The following SLC38A9 variants were observed in gnomAD, a reference collection of about 807,000 sequenced individuals.
The protein encoded by SLC38A9 is solute carrier family 38 member 9, also known as neutral amino acid transporter 9.
A neutral mutation model predicts 62.3 loss-of-function variants in SLC38A9; 48 were observed. That is an observed-to-expected ratio of 0.77 (90% CI 0.61 to 0.98). The LOEUF is 0.98. SLC38A9 is among the 50% of genes least tolerant of loss of function. The probability of loss-of-function intolerance (pLI) is 0.00; values close to 1 mark genes in which losing one functional copy is unlikely to be tolerated. For synonymous variants in SLC38A9, 204 were observed against 227.7 expected (o/e 0.90, Z 0.94); for missense variants, 541 against 679.8 (o/e 0.80, Z 2.27).
chr5:55,631,684 A>G (rs1338495373), intron 14 of SLC38A9, among the ~76,000 whole-genome samples: 1 of 152,208 alleles, frequency 6.6e-6, no homozygotes, highest in East Asian at 1.9e-4. Flanking sequence ...TTATGGCAAA[A>G]ATTATTTATC....
At chr5:55,633,367 G>A (rs1283251949) in intron 14 of SLC38A9, 1 of 155,728 alleles carries the variant, frequency 6.4e-6, no homozygotes, top group African/African-American at 2.4e-5. Context: ...GAGGGCAAAG[G>A]GGAAGTTTTC....
chr5:55,652,866 G>A lies in SLC38A9; in HGVS notation c.758-143C>T, dbSNP rs879380173. On this transcript the variant is annotated intron_variant, in intron 9 of 15. Transcript: ENST00000396865. Reference sequence around the variant, plus strand: ...CTAGGAGCCTAAATTTCTCTTTTCTGGAAAAAATAGAGGGTTAATTTTAGG... The same window carrying A: ...CTAGGAGCCTAAATTTCTCTTTTCTAGAAAAAATAGAGGGTTAATTTTAGG... 2.9e-5 allele frequency: 16 copies of A among 558,756 alleles called. No homozygotes were observed. The East Asian group carries it at 4.6e-4, about 16-fold the overall frequency. The allele number at this position is 558,756 out of a possible 1,614,324, so 34.6% of individuals were successfully genotyped here.
chr5:55,699,126 G>A (rs193145813), intron 2 of SLC38A9, among the ~76,000 whole-genome samples: 3 of 152,158 alleles, frequency 2.0e-5, no homozygotes, highest in East Asian at 3.9e-4. Context: ...ATGGTGGCAC[G>A]CTCCTGTAAT....
chr5:55,691,111 C>A (rs1484865570), intron 3 of SLC38A9: 2 of 701,606 alleles, frequency 2.9e-6, no homozygotes, highest in East Asian at 5.4e-5. Flanking sequence ...TGCCTGTACC[C>A]CACTTGGCTT....
chr5:55,649,217 A>C lies in SLC38A9; in HGVS notation c.1050T>G (p.Phe350Leu). Reference sequence around the variant, plus strand: ...TGCCAAAAAGCTCACCTGGTACAAAAAATTCTGTTGGTATAAACCAATGAA... The same window carrying C: ...TGCCAAAAAGCTCACCTGGTACAAACAATTCTGTTGGTATAAACCAATGAA... ...LEFHWFIPTE[F>L]FVPEIRFQFP... is the part of the protein sequence containing the mutation. The change falls in exon 11 of 16, where the codon TTT (phenylalanine) becomes TTG (leucine). Residue 350 changes from phenylalanine to leucine, a missense_variant. Coordinates refer to ENST00000396865, the MANE Select transcript of SLC38A9 (RefSeq NM_173514.4). The C allele has an allele frequency of 6.3e-7, 1 of 1,589,516 alleles. No homozygotes were observed.
At chr5:55,669,704 T>G in intron 5 of SLC38A9, 54 bp downstream of exon 5, 1 of 1,586,676 alleles carries the variant, frequency 6.3e-7, no homozygotes. Flanking sequence ...AAAAAACCAG[T>G]AATTTTCATC....
chr5:55,647,795 T>C (rs958687983), intron 11 of SLC38A9, among the ~76,000 whole-genome samples: 5 of 152,238 alleles, frequency 3.3e-5, no homozygotes, highest in African/African-American at 9.6e-5. Context: ...TGAGATTCTT[T>C]TTAATAGCAC....
intron 14 of SLC38A9, among the ~76,000 whole-genome samples, chr5:55,633,225 T>C (rs998847958): frequency 8.6e-5 from 13 of 151,548 alleles, no homozygotes; most frequent in Admixed American, 6.6e-5. Flanking sequence ...CAGGCTGGTC[T>C]TGAACTCCTG....
chr5:55,680,344 A>G (rs1163495279), intron 3 of SLC38A9, among the ~76,000 whole-genome samples: 1 of 152,212 alleles, frequency 6.6e-6, no homozygotes, highest in African/African-American at 2.4e-5. Context: ...TTCCTTTCCC[A>G]TATCTTAATG....
At chr5:55,692,532 C>T in intron 3 of SLC38A9, 1 of 697,260 alleles carries the variant, frequency 1.4e-6, no homozygotes. Flanking sequence ...ATTCCACAAG[C>T]AAATTAGCAT....
At chr5:55,659,667 C>T (rs1202560553) in intron 8 of SLC38A9, among the ~76,000 whole-genome samples, 3 of 151,984 alleles carry the variant, frequency 2.0e-5, no homozygotes, top group Non-Finnish European at 2.9e-5. Context: ...AGATTACAGG[C>T]GTGAGCCACT....
chr5:55,699,499 C>A (rs1374083755), intron 2 of SLC38A9, among the ~76,000 whole-genome samples: 1 of 152,050 alleles, frequency 6.6e-6, no homozygotes, highest in Non-Finnish European at 1.5e-5. Context: ...CATTTAAAGA[C>A]AACAAACAGT....
chr5:55,710,639 C>T (rs1228658294), intron 2 of SLC38A9, among the ~76,000 whole-genome samples: 1 of 151,386 alleles, frequency 6.6e-6, no homozygotes, highest in African/African-American at 2.4e-5. Context: ...TTTTTTGAGA[C>T]GGAGCCTCAC....
chr5:55,670,287 A>G (rs544823075), intron 4 of SLC38A9, among the ~76,000 whole-genome samples: 1 of 152,300 alleles, frequency 6.6e-6, no homozygotes, highest in East Asian at 1.9e-4. Context: ...CATTTTAACT[A>G]TCATAAACAA....
chr5:55,632,941 G>T (rs1743749899), intron 14 of SLC38A9, among the ~76,000 whole-genome samples: 1 of 151,956 alleles, frequency 6.6e-6, no homozygotes, highest in African/African-American at 2.4e-5. Context: ...CTGTATCTTT[G>T]GGTCTTCTTT....
At chr5:55,639,455 G>A (rs1452818562) in intron 12 of SLC38A9, among the ~76,000 whole-genome samples, 1 of 152,038 alleles carries the variant, frequency 6.6e-6, no homozygotes, top group African/African-American at 2.4e-5. Context: ...TTCAAGTCCA[G>A]CTATAGTTTA....
At chr5:55,705,444 AAAAAAAAG>A (rs1421950038) in intron 2 of SLC38A9, among the ~76,000 whole-genome samples, 1 of 150,706 alleles carries the variant, frequency 6.6e-6, no homozygotes, top group Non-Finnish European at 1.5e-5. Flanking sequence ...TATTACAAAA[AAAAAAAAG>A]AAAGAAAGAA....
chr5:55,680,113 G>A (rs761094270), intron 3 of SLC38A9, among the ~76,000 whole-genome samples: 7 of 152,030 alleles, frequency 4.6e-5, no homozygotes, highest in Non-Finnish European at 1.0e-4. Context: ...GGAAATAAAA[G>A]TGGGGAATAA....
At chr5:55,678,660 T>TTG (rs1561397961) in intron 3 of SLC38A9, among the ~76,000 whole-genome samples, 3 of 132,864 alleles carry the variant, frequency 2.3e-5, no homozygotes, top group East Asian at 4.2e-4. Flanking sequence ...TTTTTTTTTT[T>TTG]TTTTTTTTTT....
Sources: allele counts gnomAD v4.1 joint callset (sites outside exome capture counted in the v4.1 genomes callset), GRCh38; gene constraint gnomAD v4.1.1; transcripts MANE v1.5; gene names NCBI Gene and HGNC (gene_info 2026-07-23, HGNC 2026-07-21).